Variants in KDM4C observed in about 807,000 individuals in gnomAD.
KDM4C encodes the protein lysine demethylase 4C, also known as lysine-specific demethylase 4C.
In KDM4C, 81 loss-of-function variants were observed where a neutral mutation model predicts 129.3. The observed-to-expected ratio is 0.63, with a 90% CI of 0.52 to 0.75. The LOEUF is 0.75. Among genes scored for constraint, KDM4C ranks in the 30% least tolerant of loss-of-function variants. KDM4C has a pLI of 0.00. For synonymous variants in KDM4C, 573 were observed against 456.1 expected, an observed-to-expected ratio of 1.26 and a Z score of -3.26; for missense variants, 1,457 against 1,304.0, an observed-to-expected ratio of 1.12 and a Z score of -1.81.
At chr9:6,749,993 A>G (rs1439168105) in intron 1 of KDM4C, among the ~76,000 whole-genome samples, 1 of 77,554 alleles carries the variant, frequency 1.3e-5, no homozygotes, top group Non-Finnish European at 2.3e-5. Context: ...TCTCAAAAAA[A>G]AAAAAAAAAA....
chr9:6,817,206 C>A (rs77727028), intron 4 of KDM4C, among the ~76,000 whole-genome samples: 1 of 129,804 alleles, frequency 7.7e-6, no homozygotes, highest in Non-Finnish European at 1.7e-5. Context: ...CCCCCCCCCC[C>A]ACTTTTTTTT....
rs149709409 is a variant in KDM4C at position 7,045,146 on chromosome 9, T to G, written c.2260-1716T>G. Among the ~76,000 whole-genome samples the G allele has an allele frequency of 4.6e-5, 7 of 152,160 alleles. No individual in the cohort carries two copies. In the East Asian group the frequency reaches 1.4e-3, roughly 30 times the overall value. On this transcript the variant is annotated intron_variant, in intron 15 of 21. Transcript: ENST00000381309. ...TAGAAGACTTTTTCCTCTTGTTAGATTAGTGCTCTAGAACATGTGTACCTG... is the reference window on the plus strand; with the variant it reads ...TAGAAGACTTTTTCCTCTTGTTAGAGTAGTGCTCTAGAACATGTGTACCTG...
At chr9:6,804,586 T>C (rs1829624155) in intron 2 of KDM4C, among the ~76,000 whole-genome samples, 1 of 151,612 alleles carries the variant, frequency 6.6e-6, no homozygotes, top group Non-Finnish European at 1.5e-5. Flanking sequence ...GGTGAAACCC[T>C]GTCTCTACTA....
chr9:6,726,705 G>T (rs1382075165), intron 1 of KDM4C: 1 of 152,124 alleles, frequency 6.6e-6, no homozygotes, highest in East Asian at 1.9e-4. Flanking sequence ...ACTACTAAAA[G>T]AATTGCCTTA....
At chr9:6,784,073 T>G (rs878957328) in intron 1 of KDM4C, among the ~76,000 whole-genome samples, 1 of 152,150 alleles carries the variant, frequency 6.6e-6, no homozygotes, top group African/African-American at 2.4e-5. Context: ...TTTTTTTTCT[T>G]TCTTTCAAAG....
At chr9:6,996,948 A>G (rs1263849565) in intron 12 of KDM4C, among the ~76,000 whole-genome samples, 1 of 152,204 alleles carries the variant, frequency 6.6e-6, no homozygotes, top group Non-Finnish European at 1.5e-5. Flanking sequence ...ACTAGAAATA[A>G]TGGCTAATAT....
At chr9:6,770,805 T>G (rs1304938435) in intron 1 of KDM4C, among the ~76,000 whole-genome samples, 2 of 137,460 alleles carry the variant, frequency 1.5e-5, no homozygotes, top group Non-Finnish European at 3.1e-5. Flanking sequence ...AGATGGAATC[T>G]CGCTCTGTCG....
intron 1 of KDM4C, among the ~76,000 whole-genome samples, chr9:6,782,965 T>C (rs1162471096): frequency 2.0e-5 from 3 of 152,158 alleles, no homozygotes; most frequent in East Asian, 1.9e-4. Context: ...GGATGTTGAA[T>C]TGACTACAAA....
chr9:6,894,716 G>A (rs1846582702), intron 8 of KDM4C, among the ~76,000 whole-genome samples: 1 of 152,166 alleles, frequency 6.6e-6, no homozygotes, highest in South Asian at 2.1e-4. Flanking sequence ...AGTAGAGTGG[G>A]TGTGGAGTGG....
At chr9:7,098,337 A>G (rs1471934881) in intron 17 of KDM4C, among the ~76,000 whole-genome samples, 1 of 152,156 alleles carries the variant, frequency 6.6e-6, no homozygotes, top group Non-Finnish European at 1.5e-5. Context: ...CACCTTTTGC[A>G]GGGTGAATCT....
At chr9:6,952,847 A>C (rs986341587) in intron 8 of KDM4C, among the ~76,000 whole-genome samples, 4 of 152,202 alleles carry the variant, frequency 2.6e-5, no homozygotes, top group Admixed American at 6.5e-5. Context: ...GGTTCTCTAT[A>C]AGTGGTTGTT....
At chr9:7,154,629 GC>G (rs1170963817) in intron 19 of KDM4C, among the ~76,000 whole-genome samples, 1 of 152,144 alleles carries the variant, frequency 6.6e-6, no homozygotes, top group Non-Finnish European at 1.5e-5. Flanking sequence ...TAGGAGTTTG[GC>G]CCTGACTTTG....
At chr9:7,127,425 T>C (rs1840138848) in intron 18 of KDM4C, among the ~76,000 whole-genome samples, 1 of 152,164 alleles carries the variant, frequency 6.6e-6, no homozygotes, top group Admixed American at 6.5e-5. Flanking sequence ...TATTTGGGAT[T>C]CTGGCCAAAA....
intron 8 of KDM4C, among the ~76,000 whole-genome samples, chr9:6,936,225 G>T (rs958979761): frequency 6.6e-6 from 1 of 152,052 alleles, no homozygotes; most frequent in Non-Finnish European, 1.5e-5. Flanking sequence ...TGTATGTTTC[G>T]TTTTTAAACT....
At chr9:6,924,790 T>C in intron 8 of KDM4C, 1 of 981,120 alleles carries the variant, frequency 1.0e-6, no homozygotes, top group African/African-American at 1.7e-5. Flanking sequence ...TTTCCCTGTA[T>C]ATTCTTTTTT....
chr9:6,768,970 A>G (rs990537718), intron 1 of KDM4C, among the ~76,000 whole-genome samples: 1 of 151,784 alleles, frequency 6.6e-6, no homozygotes, highest in East Asian at 1.9e-4. Flanking sequence ...GCGGGGTTTC[A>G]CCATGTTGGC....
At chr9:6,955,668 T>A (rs1366746653) in intron 8 of KDM4C, among the ~76,000 whole-genome samples, 2 of 152,222 alleles carry the variant, frequency 1.3e-5, no homozygotes, top group Non-Finnish European at 2.9e-5. Context: ...GCTTTTCCCT[T>A]TCTTCTTATG....
intron 5 of KDM4C, among the ~76,000 whole-genome samples, chr9:6,866,684 C>T (rs1588813363): frequency 6.6e-6 from 1 of 152,054 alleles, no homozygotes; most frequent in African/African-American, 2.4e-5. Flanking sequence ...AGCTGGTTGT[C>T]CACCCTGATC....
chr9:7,036,183 C>T (rs1011255012), intron 15 of KDM4C, among the ~76,000 whole-genome samples: 2 of 151,912 alleles, frequency 1.3e-5, no homozygotes, highest in Non-Finnish European at 2.9e-5. Flanking sequence ...TATAGTTTCT[C>T]TTATAGTGGT....
Sources: gnomAD v4.1 joint callset for allele counts (sites outside exome capture counted in the v4.1 genomes callset) on GRCh38, gnomAD v4.1.1 for gene constraint, MANE v1.5 for transcripts, NCBI Gene and HGNC (gene_info 2026-07-23, HGNC 2026-07-21) for gene names.